Variants in RGS6 observed in about 807,000 individuals in gnomAD.
RGS6 encodes the protein regulator of G-protein signaling 6.
Under a neutral mutation model 78.5 loss-of-function variants are expected in RGS6, and 30 were observed. The observed-to-expected ratio is 0.38, with a 90% confidence interval of 0.29 to 0.52. The LOEUF (loss-of-function observed/expected upper bound fraction) is 0.52, where lower values mean the gene tolerates loss of function less well. Among genes scored for constraint, RGS6 ranks in the 20% least tolerant of loss-of-function variants. The pLI is 0.85. For synonymous variants in RGS6, 206 were observed against 206.0 expected (o/e 1.00, Z 0.00); for missense variants, 495 against 609.7 (o/e 0.81, Z 1.98).
At position 72,185,121 on chromosome 14, in the gene RGS6, G is replaced by A. The variant is rs113110059; in HGVS notation, c.85-166974G>A. On this transcript the variant is annotated intron_variant, in intron 2 of 17. Transcript: ENST00000553525. ...TGTTCAAGGGCAGGAAGCATCCAGCGTGGGAGAAAAATAAAGACCAGAAGA... is the reference window on the plus strand; with the variant it reads ...TGTTCAAGGGCAGGAAGCATCCAGCATGGGAGAAAAATAAAGACCAGAAGA... Among the ~76,000 whole-genome samples, 7 of 152,244 alleles carry A rather than the reference G, an allele frequency of 4.6e-5. 1 individual carries two copies. The highest frequency in any genetic ancestry group is 1.9e-4 in the East Asian group (1 of 5,172).
intron 2 of RGS6, among the ~76,000 whole-genome samples, chr14:72,039,531 T>C (rs1942812220): frequency 6.6e-6 from 1 of 152,208 alleles, no homozygotes; most frequent in South Asian, 2.1e-4. Context: ...TTGGTTACTA[T>C]GTGCATGGAA....
chr14:72,606,360 C>T, the RGS6 span, among the ~76,000 whole-genome samples: 1 of 152,124 alleles, frequency 6.6e-6, no homozygotes, highest in Non-Finnish European at 1.5e-5. Context: ...CAAATGTCAC[C>T]CAGCCAGATA....
chr14:71,889,948 C>A, the RGS6 span, among the ~76,000 whole-genome samples: 1 of 152,026 alleles, frequency 6.6e-6, no homozygotes, highest in Admixed American at 6.6e-5. Context: ...TAGTTGGATG[C>A]CATTAAAAGT....
chr14:72,042,957 G>A (rs914628531), intron 2 of RGS6, among the ~76,000 whole-genome samples: 3 of 152,060 alleles, frequency 2.0e-5, no homozygotes, highest in Non-Finnish European at 4.4e-5. Context: ...GTGTTACATT[G>A]CTTTTGTTTC....
chr14:72,097,595 G>T (rs758883090), intron 2 of RGS6, among the ~76,000 whole-genome samples: 73 of 152,142 alleles, frequency 4.8e-4, no homozygotes, highest in Non-Finnish European at 9.9e-4. Flanking sequence ...AAGGGGGCGG[G>T]TGTCTTTGTT....
intron 3 of RGS6, among the ~76,000 whole-genome samples, chr14:72,416,530 C>T (rs1041069710): frequency 7.2e-5 from 11 of 152,050 alleles, no homozygotes; most frequent in African/African-American, 2.4e-4. Context: ...TAAAGTGATT[C>T]CTCCCCTACC....
chr14:72,596,916 G>A, the RGS6 span, among the ~76,000 whole-genome samples: 1 of 152,162 alleles, frequency 6.6e-6, no homozygotes, highest in African/African-American at 2.4e-5. Context: ...TTCCTTATCT[G>A]TAAAACGGGT....
chr14:72,599,437 C>G, the RGS6 span, among the ~76,000 whole-genome samples: 2 of 65,692 alleles, frequency 3.0e-5, no homozygotes, highest in Non-Finnish European at 5.3e-5. Context: ...GAGACAGAGT[C>G]TTGCTTTGTT....
chr14:71,928,068 G>A (rs1334325587), upstream of RGS6, among the ~76,000 whole-genome samples: 1 of 151,980 alleles, frequency 6.6e-6, no homozygotes, highest in East Asian at 1.9e-4. Context: ...TGTTGCCCAG[G>A]CTGGATTCAA....
intron 2 of RGS6, among the ~76,000 whole-genome samples, chr14:71,985,748 C>CT (rs2094683093): frequency 6.6e-6 from 1 of 152,152 alleles, no homozygotes; most frequent in African/African-American, 2.4e-5. Context: ...CAACACCATC[C>CT]TTATCCTGAG....
At chr14:72,143,649 G>A (rs1015409858) in intron 2 of RGS6, among the ~76,000 whole-genome samples, 1 of 152,152 alleles carries the variant, frequency 6.6e-6, no homozygotes, top group Admixed American at 6.5e-5. Context: ...AAACTGGAAT[G>A]TGGTTCTGAG....
chr14:72,397,581 ACTAT>A, intron 3 of RGS6, among the ~76,000 whole-genome samples: 1 of 152,190 alleles, frequency 6.6e-6, no homozygotes, highest in Non-Finnish European at 1.5e-5. Context: ...AACTTCCAAC[ACTAT>A]GTTGAATAGG....
intron 1 of RGS6, among the ~76,000 whole-genome samples, chr14:71,939,000 G>A (rs2090046945): frequency 6.6e-6 from 1 of 152,196 alleles, no homozygotes; most frequent in African/African-American, 2.4e-5. Context: ...CATTGGATCT[G>A]CTGGATCATA....
chr14:72,318,053 G>C (rs1220387477), intron 2 of RGS6, among the ~76,000 whole-genome samples: 1 of 152,086 alleles, frequency 6.6e-6, no homozygotes, highest in East Asian at 1.9e-4. Flanking sequence ...CCAAGCAGAG[G>C]CTGCCCCACC....
At chr14:72,558,162 C>T (rs542358855) in intron 17 of RGS6, among the ~76,000 whole-genome samples, 1 of 152,278 alleles carries the variant, frequency 6.6e-6, no homozygotes, top group South Asian at 2.1e-4. Flanking sequence ...CAGGGGCAAC[C>T]GTGGTTGATT....
intron 2 of RGS6, among the ~76,000 whole-genome samples, chr14:72,181,922 T>C (rs1042416323): frequency 2.6e-5 from 4 of 152,204 alleles, no homozygotes; most frequent in Admixed American, 2.6e-4. Flanking sequence ...AATAAATGTA[T>C]GTGCACTTGC....
chr14:72,598,636 G>A, the RGS6 span, among the ~76,000 whole-genome samples: 3 of 152,198 alleles, frequency 2.0e-5, no homozygotes, highest in African/African-American at 4.8e-5. Flanking sequence ...AAGCTGACAA[G>A]GGCACAGGAG....
intron 2 of RGS6, among the ~76,000 whole-genome samples, chr14:72,209,409 TCTTCTA>T (rs967906160): frequency 2.6e-5 from 4 of 151,896 alleles, no homozygotes; most frequent in Non-Finnish European, 5.9e-5. Context: ...TCTTTCTATT[TCTTCTA>T]CTTCTTCTTA....
At chr14:71,906,077 C>G in the RGS6 span, among the ~76,000 whole-genome samples, 1 of 152,174 alleles carries the variant, frequency 6.6e-6, no homozygotes, top group Non-Finnish European at 1.5e-5. Flanking sequence ...CTCGATCTGA[C>G]CCTGCCGCAA....
Sources: gnomAD v4.1 joint callset for allele counts (sites outside exome capture counted in the v4.1 genomes callset) on GRCh38, gnomAD v4.1.1 for gene constraint, MANE v1.5 for transcripts, NCBI Gene and HGNC (gene_info 2026-07-23, HGNC 2026-07-21) for gene names.